The following SYT1 variants were observed in gnomAD, a reference collection of about 807,000 sequenced individuals.
SYT1 encodes the protein synaptotagmin-1.
A neutral mutation model predicts 44.8 loss-of-function variants in SYT1; 8 were observed. The observed-to-expected ratio is 0.18, with a 90% CI of 0.10 to 0.32. The LOEUF (loss-of-function observed/expected upper bound fraction) is 0.32, where lower values mean the gene tolerates loss of function less well. SYT1 is among the 10% of genes least tolerant of loss of function. The pLI is 1.00. For synonymous variants in SYT1, 154 were observed against 188.8 expected, an observed-to-expected ratio of 0.82 and a Z score of 1.51; for missense variants, 286 against 509.3, an observed-to-expected ratio of 0.56 and a Z score of 4.22.
At chr12:79,349,634 C>T (rs1195572602) in intron 8 of SYT1, among the ~76,000 whole-genome samples, 1 of 152,150 alleles carries the variant, frequency 6.6e-6, no homozygotes, top group South Asian at 2.1e-4. Context: ...ACAAAATTGT[C>T]AAGGAGCAGC....
chr12:79,190,601 G>A (rs916289177), intron 3 of SYT1, among the ~76,000 whole-genome samples: 1 of 152,124 alleles, frequency 6.6e-6, no homozygotes, highest in African/African-American at 2.4e-5. Context: ...AGAAACATCA[G>A]TGTTTCATTC....
chr12:79,132,855 C>T (rs572348629), intron 3 of SYT1, among the ~76,000 whole-genome samples: 56 of 152,108 alleles, frequency 3.7e-4, no homozygotes, highest in African/African-American at 1.3e-3. Flanking sequence ...CCTAAGTGTT[C>T]ATCATTGAAT....
At chr12:79,382,771 C>A (rs1041383105) in intron 9 of SYT1, among the ~76,000 whole-genome samples, 15 of 152,148 alleles carry the variant, frequency 9.9e-5, no homozygotes, top group African/African-American at 3.6e-4. Flanking sequence ...ATGTTACGTG[C>A]TCCAAACGCT....
intron 1 of SYT1, among the ~76,000 whole-genome samples, chr12:78,950,366 T>C (rs1291124658): frequency 1.3e-5 from 2 of 152,088 alleles, no homozygotes; most frequent in African/African-American, 4.8e-5. Flanking sequence ...ATGCAACATA[T>C]GTAAATGAAC....
At chr12:79,369,585 C>A (rs1883698030) in intron 9 of SYT1, among the ~76,000 whole-genome samples, 2 of 152,124 alleles carry the variant, frequency 1.3e-5, no homozygotes, top group African/African-American at 2.4e-5. Context: ...AGTATTTCTA[C>A]AATAGGATTC....
intron 4 of SYT1, among the ~76,000 whole-genome samples, chr12:79,266,602 G>A (rs1198710049): frequency 3.3e-5 from 5 of 152,146 alleles, no homozygotes; most frequent in Non-Finnish European, 7.3e-5. Flanking sequence ...AAGACTGACA[G>A]GTATAGGGAA....
intron 1 of SYT1, among the ~76,000 whole-genome samples, chr12:78,894,044 T>G (rs1463030574): frequency 6.6e-6 from 1 of 151,398 alleles, no homozygotes; most frequent in African/African-American, 2.4e-5. Context: ...TACCTAACTT[T>G]GTATTCATAT....
intron 1 of SYT1, among the ~76,000 whole-genome samples, chr12:78,953,047 G>A (rs566730462): frequency 7.9e-5 from 12 of 152,048 alleles, no homozygotes; most frequent in Admixed American, 7.9e-4. Flanking sequence ...CATCCCCATA[G>A]GCTCCTTGGA....
At chr12:79,401,411 G>A (rs1885060937) in intron 9 of SYT1, among the ~76,000 whole-genome samples, 1 of 149,348 alleles carries the variant, frequency 6.7e-6, no homozygotes, top group East Asian at 2.0e-4. Context: ...AAAAAAAAGT[G>A]TGCCATAATA....
At chr12:79,035,058 C>T (rs1049480441) in intron 2 of SYT1, among the ~76,000 whole-genome samples, 19 of 151,526 alleles carry the variant, frequency 1.3e-4, no homozygotes, top group Non-Finnish European at 8.9e-5. Flanking sequence ...ACCTTCCCAC[C>T]ATTGTCATCA....
chr12:78,876,866 AATATATT>A (rs1565697821), intron 1 of SYT1, among the ~76,000 whole-genome samples: 1 of 12,898 alleles, frequency 7.8e-5, no homozygotes, highest in African/African-American at 2.0e-4. Flanking sequence ...TAATATATAT[AATATATT>A]ATATGTATTA....
chr12:79,201,792 A>C (rs1197572143), intron 3 of SYT1, among the ~76,000 whole-genome samples: 3 of 152,170 alleles, frequency 2.0e-5, no homozygotes, highest in South Asian at 4.1e-4. Flanking sequence ...TCTACTTAAG[A>C]ATCTTAAAAA....
intron 2 of SYT1, among the ~76,000 whole-genome samples, chr12:79,002,496 T>C (rs1444656250): frequency 1.3e-5 from 2 of 152,186 alleles, no homozygotes; most frequent in East Asian, 3.9e-4. Context: ...TAAAATAATG[T>C]CTCATCATTT....
At chr12:79,124,794 T>C (rs562526528) in intron 3 of SYT1, among the ~76,000 whole-genome samples, 1 of 152,284 alleles carries the variant, frequency 6.6e-6, no homozygotes, top group Non-Finnish European at 1.5e-5. Context: ...GACAATTGTA[T>C]CTCTACTCTT....
intron 1 of SYT1, among the ~76,000 whole-genome samples, chr12:78,934,628 A>G (rs1231440770): frequency 6.6e-6 from 1 of 152,164 alleles, no homozygotes; most frequent in African/African-American, 2.4e-5. Flanking sequence ...CACGCAGTCA[A>G]AAACTAGATT....
intron 9 of SYT1, among the ~76,000 whole-genome samples, chr12:79,429,020 C>CTGAT (rs1238410535): frequency 2.0e-5 from 3 of 152,044 alleles, no homozygotes; most frequent in Non-Finnish European, 2.9e-5. Flanking sequence ...TTCTTGGGAA[C>CTGAT]TGATAGAGCA....
At chr12:79,363,502 C>A (rs1883404159) in intron 9 of SYT1, among the ~76,000 whole-genome samples, 1 of 151,496 alleles carries the variant, frequency 6.6e-6, no homozygotes, top group Admixed American at 6.6e-5. Flanking sequence ...AGGTGGGAGG[C>A]TCGCTTGAGC....
chr12:79,096,903 T>G lies in SYT1; in HGVS notation c.-18+49541T>G, dbSNP rs115109298. Among the ~76,000 whole-genome samples, 881 of 151,994 alleles carry G rather than the reference T, an allele frequency of 5.8e-3. 11 individuals are homozygous for G. Among genetic ancestry groups the G allele is most frequent in the African/African-American group, 0.02 (847 of 41,474 alleles). On this transcript the variant is annotated intron_variant, in intron 3 of 10. Transcript: ENST00000261205. The stretch of plus-strand genomic sequence containing the variant: ...AGAGAGATTAAGAGGCTGGGAAAGA[T>G]TGAAGTGATTTTTAGGAATCAGAAT...
intron 10 of SYT1, 149 bp downstream of exon 10, chr12:79,444,355 C>T: frequency 9.7e-7 from 1 of 1,030,612 alleles, no homozygotes; most frequent in South Asian, 1.6e-5. Context: ...GCTTGAGCTA[C>T]ATCAGGAAGG....
Sources: gnomAD v4.1 joint callset for allele counts (sites outside exome capture counted in the v4.1 genomes callset) on GRCh38, gnomAD v4.1.1 for gene constraint, MANE v1.5 for transcripts, NCBI Gene and HGNC (gene_info 2026-07-23, HGNC 2026-07-21) for gene names.